ATRNL1: variants seen among roughly 807,000 people sequenced by gnomAD.
The protein encoded by ATRNL1 is attractin like 1.
ATRNL1 carries 95 observed loss-of-function variants against 182.7 expected under a neutral mutation model. That is an observed-to-expected ratio of 0.52 (90% CI 0.44 to 0.62). ATRNL1 has a LOEUF of 0.62. ATRNL1 is among the 20% of genes least tolerant of loss of function. ATRNL1 has a pLI of 0.00. For missense variants in ATRNL1, 1,471 were observed against 1,679.5 expected, an observed-to-expected ratio of 0.88 and a Z score of 2.17; for synonymous variants, 576 against 568.3, an observed-to-expected ratio of 1.01 and a Z score of -0.19.
chr10:115,387,913 A>G (rs1843749650), intron 19 of ATRNL1, among the ~76,000 whole-genome samples: 1 of 152,166 alleles, frequency 6.6e-6, no homozygotes, highest in African/African-American at 2.4e-5. Flanking sequence ...GTTATGATAT[A>G]TAGTATCGTC....
chr10:115,132,583 C>G (rs2143736175), intron 5 of ATRNL1, among the ~76,000 whole-genome samples: 1 of 152,244 alleles, frequency 6.6e-6, no homozygotes, highest in Non-Finnish European at 1.5e-5. Flanking sequence ...CACATTCTCT[C>G]CAGCACCTGT....
chr10:115,895,480 C>A (rs1221926617), intron 28 of ATRNL1, among the ~76,000 whole-genome samples: 1 of 152,224 alleles, frequency 6.6e-6, no homozygotes, highest in Non-Finnish European at 1.5e-5. Context: ...TTTATAATCA[C>A]TTTCTACTCA....
At chr10:115,134,124 A>C (rs1554875949) in intron 5 of ATRNL1, among the ~76,000 whole-genome samples, 1 of 152,220 alleles carries the variant, frequency 6.6e-6, no homozygotes, top group Non-Finnish European at 1.5e-5. Flanking sequence ...TCACAATTAA[A>C]AGAACTAGAG....
At chr10:115,817,133 C>T (rs1221729656) in intron 27 of ATRNL1, among the ~76,000 whole-genome samples, 1 of 152,004 alleles carries the variant, frequency 6.6e-6, no homozygotes, top group Non-Finnish European at 1.5e-5. Context: ...ACAAATTTGG[C>T]CCTAGAGCCA....
intron 27 of ATRNL1, among the ~76,000 whole-genome samples, chr10:115,793,486 A>T (rs1949577213): frequency 1.3e-5 from 2 of 151,520 alleles, no homozygotes; most frequent in East Asian, 3.9e-4. Flanking sequence ...ACCACAATAA[A>T]GTTAATATTA....
chr10:115,519,488 A>G (rs1554984694), intron 25 of ATRNL1, among the ~76,000 whole-genome samples, 164 bp downstream of exon 25: 2 of 152,142 alleles, frequency 1.3e-5, no homozygotes, highest in Non-Finnish European at 2.9e-5. Context: ...GAGAGGTAAC[A>G]TAGCTGAAAT....
chr10:115,098,453 C>CTTTTTTTTTTTTTTTT (rs71010006), intron 1 of ATRNL1, among the ~76,000 whole-genome samples: 1 of 80,752 alleles, frequency 1.2e-5, no homozygotes, highest in African/African-American at 6.2e-5. Flanking sequence ...ATACTAGTTT[C>CTTTTTTTTTTTTTTTT]TTTTTTTTTT....
intron 19 of ATRNL1, among the ~76,000 whole-genome samples, chr10:115,355,142 G>A (rs576285024): frequency 1.2e-4 from 19 of 152,256 alleles, no homozygotes; most frequent in African/African-American, 4.6e-4. Flanking sequence ...GGTCATGGGT[G>A]CCTCATTTAC....
intron 27 of ATRNL1, among the ~76,000 whole-genome samples, chr10:115,822,593 G>A (rs1950330135): frequency 6.6e-6 from 1 of 152,052 alleles, no homozygotes; most frequent in African/African-American, 2.4e-5. Context: ...AAATGATAAA[G>A]GAAATATCAC....
At chr10:115,354,324 T>G (rs879988176) in intron 19 of ATRNL1, among the ~76,000 whole-genome samples, 18 of 152,302 alleles carry the variant, frequency 1.2e-4, no homozygotes, top group Non-Finnish European at 2.4e-4. Context: ...ACTTTCAGAT[T>G]GATAAAATCT....
chr10:115,307,980 A>AT (rs1564898666), intron 17 of ATRNL1, among the ~76,000 whole-genome samples: 8 of 152,100 alleles, frequency 5.3e-5, no homozygotes, highest in African/African-American at 1.9e-4. Flanking sequence ...TCTTTAAAAT[A>AT]TTTTTATACT....
chr10:115,260,922 A>G (rs946344156), intron 10 of ATRNL1, among the ~76,000 whole-genome samples: 6 of 152,120 alleles, frequency 3.9e-5, no homozygotes, highest in Non-Finnish European at 5.9e-5. Context: ...AAAGCAAAGA[A>G]CATAACATTT....
At chr10:115,281,595 T>C (rs1852363798) in intron 14 of ATRNL1, 108 bp downstream of exon 14, 1 of 1,132,798 alleles carries the variant, frequency 8.8e-7, no homozygotes, top group Admixed American at 2.5e-5. Flanking sequence ...AAAGTCATAG[T>C]AAATATCAAC....
At chr10:115,624,407 A>G (rs537627607) in intron 26 of ATRNL1, among the ~76,000 whole-genome samples, 32 of 152,300 alleles carry the variant, frequency 2.1e-4, no homozygotes, top group South Asian at 4.1e-4. Flanking sequence ...ATAAACATAT[A>G]TGTTATATAG....
chr10:115,094,148 C>A (rs959562262), intron 1 of ATRNL1, 105 bp downstream of exon 1: 16 of 1,152,184 alleles, frequency 1.4e-5, no homozygotes, highest in Non-Finnish European at 1.7e-5. Flanking sequence ...TGCCTCTGAT[C>A]CCCCGGCCGT....
intron 10 of ATRNL1, among the ~76,000 whole-genome samples, chr10:115,246,931 G>A (rs2133832517): frequency 6.6e-6 from 1 of 152,158 alleles, no homozygotes; most frequent in East Asian, 1.9e-4. Flanking sequence ...ACTGAATAAA[G>A]ATTAATGAAA....
intron 26 of ATRNL1, among the ~76,000 whole-genome samples, chr10:115,564,546 GTCATC>G (rs1853956426): frequency 6.6e-6 from 1 of 151,820 alleles, no homozygotes; most frequent in East Asian, 1.9e-4. Flanking sequence ...ATTTTTAGAA[GTCATC>G]TCCTCTTTAT....
At chr10:115,430,293 T>G (rs1475996757) in intron 21 of ATRNL1, among the ~76,000 whole-genome samples, 1 of 152,116 alleles carries the variant, frequency 6.6e-6, no homozygotes, top group Non-Finnish European at 1.5e-5. Flanking sequence ...TAGCTTTTGG[T>G]TTTATTTATC....
At chr10:115,328,227 C>T (rs1855021267) in intron 18 of ATRNL1, among the ~76,000 whole-genome samples, 1 of 151,896 alleles carries the variant, frequency 6.6e-6, no homozygotes, top group Non-Finnish European at 1.5e-5. Context: ...AAAAATCTTA[C>T]TTTAGTAAGA....
Sources: gnomAD v4.1 joint callset for allele counts (sites outside exome capture counted in the v4.1 genomes callset) on GRCh38, gnomAD v4.1.1 for gene constraint, MANE v1.5 for transcripts, NCBI Gene and HGNC (gene_info 2026-07-23, HGNC 2026-07-21) for gene names.